Variants in KATNBL1 observed in about 807,000 individuals in gnomAD.
KATNBL1 encodes the protein katanin regulatory subunit B1 like 1, also known as KATNB1-like protein 1.
In KATNBL1, 28 loss-of-function variants were observed where a neutral mutation model predicts 44.7. That is an observed-to-expected ratio of 0.63 (90% CI 0.46 to 0.86). The LOEUF (loss-of-function observed/expected upper bound fraction) is 0.86, where lower values mean the gene tolerates loss of function less well. Ranked by LOEUF, KATNBL1 falls within the 40% of genes least tolerant of loss-of-function variation. KATNBL1 has a pLI of 0.00. For missense variants in KATNBL1, 272 were observed against 350.7 expected (o/e 0.78, Z 1.79); for synonymous variants, 78 against 114.9 (o/e 0.68, Z 2.06).
At chr15:34,182,418 T>C (rs1222141348) in intron 1 of KATNBL1, among the ~76,000 whole-genome samples, 1 of 152,188 alleles carries the variant, frequency 6.6e-6, no homozygotes, top group Admixed American at 6.5e-5. Flanking sequence ...TTGACAGCAT[T>C]GTAAAGCAAA....
At chr15:34,200,422 G>GTT (rs71119947) in intron 1 of KATNBL1, among the ~76,000 whole-genome samples, 3,114 of 146,858 alleles carry the variant, frequency 0.021, 82 homozygotes, top group African/African-American at 0.068. Flanking sequence ...CCAGCTAATT[G>GTT]TTTTTTTTTT....
chr15:34,193,207 A>C, intron 1 of KATNBL1, among the ~76,000 whole-genome samples: 2 of 101,030 alleles, frequency 2.0e-5, no homozygotes, highest in East Asian at 3.5e-4. Flanking sequence ...ACAGAGCGAG[A>C]CTCCGTCTCA....
chr15:34,174,678 T>C (rs937680039), intron 1 of KATNBL1, among the ~76,000 whole-genome samples: 2 of 152,008 alleles, frequency 1.3e-5, no homozygotes, highest in African/African-American at 2.4e-5. Flanking sequence ...TTTTTTTTTT[T>C]CTTAATTCGC....
At position 34,147,406 on chromosome 15, in the gene KATNBL1, T is replaced by G; in HGVS notation, c.582A>C (p.Val194=). The G allele has an allele frequency of 6.2e-7, 1 of 1,613,432 alleles. No individual in the cohort carries two copies. ...AATTGGTGAGCACAGGAAGGCAATC[T>G]ACCACAACGCCAAGATCTTCTATCC... ...LLRIEDLGVV[V]DCLPVLTNCL... The change falls in exon 6 of 10, where the codon GTA becomes GTC. Residue 194 remains valine, a synonymous_variant. Transcript: ENST00000256544.
intron 1 of KATNBL1, among the ~76,000 whole-genome samples, chr15:34,207,281 T>C (rs986998824): frequency 2.0e-5 from 3 of 152,204 alleles, no homozygotes; most frequent in Admixed American, 2.0e-4. Flanking sequence ...CGATCTCGGC[T>C]CACTGCAACC....
chr15:34,187,750 G>C (rs1473530445), intron 1 of KATNBL1, among the ~76,000 whole-genome samples: 13 of 151,998 alleles, frequency 8.6e-5, no homozygotes, highest in Non-Finnish European at 1.0e-4. Flanking sequence ...CAAAGTCCTG[G>C]AAAAATAACC....
chr15:34,166,984 G>T (rs947035689), intron 1 of KATNBL1, among the ~76,000 whole-genome samples: 1 of 152,148 alleles, frequency 6.6e-6, no homozygotes, highest in Non-Finnish European at 1.5e-5. Context: ...CCACAAAGAT[G>T]GGGAGAAACC....
intron 1 of KATNBL1, among the ~76,000 whole-genome samples, chr15:34,201,944 G>A (rs909205161): frequency 6.6e-6 from 1 of 152,000 alleles, no homozygotes; most frequent in Non-Finnish European, 1.5e-5. Context: ...CATTGTACTA[G>A]ATATTACAAA....
intron 1 of KATNBL1, among the ~76,000 whole-genome samples, chr15:34,205,870 C>T (rs555530780): frequency 1.3e-5 from 2 of 152,288 alleles, no homozygotes; most frequent in East Asian, 3.9e-4. Flanking sequence ...CCTTTAAATT[C>T]CATCCTAAGA....
intron 1 of KATNBL1, among the ~76,000 whole-genome samples, chr15:34,183,165 G>A (rs1373786220): frequency 6.6e-6 from 1 of 152,162 alleles, no homozygotes; most frequent in Admixed American, 6.5e-5. Context: ...CGTTTTGACT[G>A]GCGACTACCA....
At position 34,181,878 on chromosome 15, in the gene KATNBL1, T is replaced by TAG. The variant is rs1279815412; in HGVS notation, c.-14-18189_-14-18188insCT. ...GTCCATATATATATATCCATATATATATATATATATGGATGGGGAGGAGAA... is the reference window on the plus strand; with the variant it reads ...GTCCATATATATATATCCATATATATAGATATATATATGGATGGGGAGGAGAA... On this transcript the variant is annotated intron_variant, in intron 1 of 9. Coordinates refer to ENST00000256544, the MANE Select transcript of KATNBL1 (RefSeq NM_024713.3). Among the ~76,000 whole-genome samples, 34 of 141,026 alleles carry TAG rather than the reference T, an allele frequency of 2.4e-4. 3 individuals are homozygous for TAG. The highest frequency in any genetic ancestry group is 8.8e-4 in the African/African-American group (34 of 38,768). 92.5% of individuals were successfully genotyped at this position (141,026 alleles called of 152,430 possible). A position where few individuals can be genotyped will look rare whatever the true frequency, so the allele number is the denominator to read the frequency against.
intron 1 of KATNBL1, among the ~76,000 whole-genome samples, chr15:34,194,289 T>C (rs1889973018): frequency 6.6e-6 from 1 of 152,056 alleles, no homozygotes; most frequent in South Asian, 2.1e-4. Context: ...TATATTTTCC[T>C]ACATGTTAAA....
intron 1 of KATNBL1, among the ~76,000 whole-genome samples, chr15:34,197,923 T>C (rs916030001): frequency 6.6e-6 from 1 of 152,078 alleles, no homozygotes; most frequent in Admixed American, 6.6e-5. Context: ...AATTTTTTTA[T>C]TTTTAGTAGA....
chr15:34,143,474 A>C (rs1567514716), intron 9 of KATNBL1, among the ~76,000 whole-genome samples: 1 of 151,514 alleles, frequency 6.6e-6, no homozygotes, highest in African/African-American at 2.4e-5. Flanking sequence ...CAAAACAAAA[A>C]CAACAAAAAA....
At chr15:34,192,413 A>C (rs1015177056) in intron 1 of KATNBL1, among the ~76,000 whole-genome samples, 3 of 152,174 alleles carry the variant, frequency 2.0e-5, no homozygotes, top group East Asian at 1.9e-4. Context: ...CAAAAAAAAA[A>C]AAAAAACAAA....
At chr15:34,175,191 T>TA (rs1162508056) in intron 1 of KATNBL1, among the ~76,000 whole-genome samples, 2 of 151,522 alleles carry the variant, frequency 1.3e-5, no homozygotes, top group Non-Finnish European at 2.9e-5. Context: ...ACAGGTTGAG[T>TA]ATCCCTTACC....
At chr15:34,151,435 A>AT (rs1491367010) in intron 4 of KATNBL1, among the ~76,000 whole-genome samples, 1,209 of 63,788 alleles carry the variant, frequency 0.019, 111 homozygotes, top group South Asian at 0.032. Flanking sequence ...TCCTTTGCCT[A>AT]CTTTTTTTTT....
intron 1 of KATNBL1, among the ~76,000 whole-genome samples, chr15:34,170,945 T>TA (rs1567527036): frequency 6.6e-6 from 1 of 152,182 alleles, no homozygotes; most frequent in Non-Finnish European, 1.5e-5. Flanking sequence ...CAAGATGGAT[T>TA]AAAGACTTAA....
At chr15:34,177,119 T>G (rs1248837795) in intron 1 of KATNBL1, among the ~76,000 whole-genome samples, 2 of 152,196 alleles carry the variant, frequency 1.3e-5, no homozygotes, top group Non-Finnish European at 2.9e-5. Flanking sequence ...AAGAGGCCAA[T>G]ACACTAACTG....
Sources: gnomAD v4.1 joint callset for allele counts (sites outside exome capture counted in the v4.1 genomes callset) on GRCh38, gnomAD v4.1.1 for gene constraint, MANE v1.5 for transcripts, NCBI Gene and HGNC (gene_info 2026-07-23, HGNC 2026-07-21) for gene names.